Variants in PID1 observed in about 807,000 individuals in gnomAD.
PID1 encodes the protein phosphotyrosine interaction domain containing 1, also known as PTB-containing, cubilin and LRP1-interacting protein.
Under a neutral mutation model 19.1 loss-of-function variants are expected in PID1, and 10 were observed. The ratio of observed to expected loss-of-function variants is 0.52; its 90% CI spans 0.32 to 0.89. PID1 has a LOEUF of 0.89. Ranked by LOEUF, PID1 falls within the 40% of genes least tolerant of loss-of-function variation. The pLI, the probability that PID1 is intolerant of heterozygous loss-of-function variation, is 0.03. For missense variants in PID1, 248 were observed against 285.3 expected, an observed-to-expected ratio of 0.87 and a Z score of 0.94; for synonymous variants, 130 against 116.0, an observed-to-expected ratio of 1.12 and a Z score of -0.78.
intron 1 of PID1, among the ~76,000 whole-genome samples, chr2:229,261,173 T>C (rs1298891043): frequency 2.6e-5 from 4 of 151,996 alleles, no homozygotes; most frequent in Non-Finnish European, 2.9e-5. Flanking sequence ...AGGAGCTGTG[T>C]CTCCCTCACA....
At chr2:229,042,297 C>A (rs575474102) in intron 2 of PID1, among the ~76,000 whole-genome samples, 17 of 152,192 alleles carry the variant, frequency 1.1e-4, no homozygotes, top group African/African-American at 2.9e-4. Flanking sequence ...TTTTCAACTT[C>A]TTTTGTTAAA....
At chr2:229,039,106 C>T (rs1559204904) in intron 2 of PID1, among the ~76,000 whole-genome samples, 1 of 152,148 alleles carries the variant, frequency 6.6e-6, no homozygotes, top group Non-Finnish European at 1.5e-5. Flanking sequence ...CCATATATAA[C>T]GCAGCGAGAA....
intron 2 of PID1, among the ~76,000 whole-genome samples, chr2:229,052,721 A>T (rs1694021202): frequency 6.6e-6 from 1 of 152,152 alleles, no homozygotes; most frequent in African/African-American, 2.4e-5. Context: ...AAGGAAAAAA[A>T]AAATGGCCTG....
At chr2:229,109,381 G>A (rs1291027894) in intron 2 of PID1, among the ~76,000 whole-genome samples, 1 of 152,152 alleles carries the variant, frequency 6.6e-6, no homozygotes, top group Non-Finnish European at 1.5e-5. Flanking sequence ...GGCAATTAGG[G>A]GAGCAGAAAA....
At chr2:229,221,703 A>C (rs1166902193) in intron 1 of PID1, among the ~76,000 whole-genome samples, 2 of 152,080 alleles carry the variant, frequency 1.3e-5, no homozygotes, top group East Asian at 3.9e-4. Flanking sequence ...CCTCTCTCCC[A>C]AGGAAAAGAC....
rs116368824 is a variant in PID1 at position 229,031,927 on chromosome 2, A to G, written c.178-5819T>C. ...CATAATGTTGACTGTAAGTCACTGA[A>G]AAACACTATTCAGACCTTTTTTCAA... On this transcript the variant is annotated intron_variant, in intron 2 of 2. Transcript: ENST00000392055. Among the ~76,000 whole-genome samples the G allele has an allele frequency of 8.0e-3, 1,226 of 152,316 alleles. 16 individuals carry two copies. The highest frequency in any genetic ancestry group is 0.013 in the Non-Finnish European group (898 of 68,024).
rs1330314014 is a variant in PID1, at chr2:229,271,008, C to T, written c.30+6G>A. ...GGCTGGCCCCCGGCTCCCGGGTGCCCCTTACCTGCAGGCGCTCCGTGGCCG... is the reference window on the plus strand; with the variant it reads ...GGCTGGCCCCCGGCTCCCGGGTGCCTCTTACCTGCAGGCGCTCCGTGGCCG... On this transcript the variant is annotated splice_donor_region_variant and intron_variant, in intron 1 of 2. Coordinates refer to ENST00000392055, the MANE Select transcript of PID1 (RefSeq NM_001100818.2). 1 of 1,542,686 alleles carries T rather than the reference C, an allele frequency of 6.5e-7. No homozygotes were observed. The highest frequency in any genetic ancestry group is 8.7e-7 in the Non-Finnish European group (1 of 1,143,524).
At chr2:229,143,113 G>GCATT (rs1559253963) in intron 2 of PID1, among the ~76,000 whole-genome samples, 1 of 147,278 alleles carries the variant, frequency 6.8e-6, no homozygotes, top group Non-Finnish European at 1.5e-5. Flanking sequence ...ACCAAACACC[G>GCATT]CATATTCTCA....
chr2:229,036,233 G>A (rs749005880), intron 2 of PID1, among the ~76,000 whole-genome samples: 41 of 152,178 alleles, frequency 2.7e-4, no homozygotes, highest in Non-Finnish European at 4.9e-4. Context: ...CAACCCAAGA[G>A]GCTTGGTCTC....
intron 1 of PID1, among the ~76,000 whole-genome samples, chr2:229,192,276 T>C (rs1188467577): frequency 1.3e-5 from 2 of 152,168 alleles, no homozygotes; most frequent in Non-Finnish European, 1.5e-5. Context: ...CTGTTGTCAC[T>C]AGTATGTTCC....
intron 1 of PID1, among the ~76,000 whole-genome samples, chr2:229,173,328 C>G (rs1253642969): frequency 1.3e-5 from 2 of 152,148 alleles, no homozygotes; most frequent in African/African-American, 2.4e-5. Flanking sequence ...TCGGGCTACT[C>G]CCAGGCACAA....
intron 1 of PID1, among the ~76,000 whole-genome samples, chr2:229,177,793 G>A (rs1021786811): frequency 8.6e-5 from 13 of 151,990 alleles, no homozygotes; most frequent in African/African-American, 2.7e-4. Flanking sequence ...ATTGAGCTGC[G>A]CCTCCAGAGC....
chr2:229,126,166 C>T (rs149337050), intron 2 of PID1, among the ~76,000 whole-genome samples: 1 of 151,986 alleles, frequency 6.6e-6, no homozygotes, highest in Non-Finnish European at 1.5e-5. Flanking sequence ...TTTAAAAACA[C>T]AAAAACAAAA....
chr2:229,270,428 C>T (rs1371362142), intron 1 of PID1, among the ~76,000 whole-genome samples: 2 of 152,058 alleles, frequency 1.3e-5, no homozygotes, highest in Admixed American at 6.5e-5. Context: ...GATGGGATAA[C>T]CCAGGACATA....
intron 2 of PID1, among the ~76,000 whole-genome samples, chr2:229,030,212 T>A (rs1693517535): frequency 6.6e-6 from 1 of 152,158 alleles, no homozygotes; most frequent in South Asian, 2.1e-4. Flanking sequence ...GTAGTTAACA[T>A]CATAGAAACA....
chr2:229,110,660 A>C (rs972561923), intron 2 of PID1, among the ~76,000 whole-genome samples: 2 of 152,218 alleles, frequency 1.3e-5, no homozygotes, highest in African/African-American at 4.8e-5. Flanking sequence ...GAAAATGGTT[A>C]GATAATATAG....
chr2:229,186,115 T>C (rs1256424105), intron 1 of PID1, among the ~76,000 whole-genome samples: 2 of 152,176 alleles, frequency 1.3e-5, no homozygotes, highest in East Asian at 3.8e-4. Context: ...TAGTCAAATC[T>C]TAAAGCTCCA....
chr2:229,269,281 C>T lies in PID1; in HGVS notation c.30+1733G>A, dbSNP rs186021852. ...CACCAACTGCAATAAACCAGGCTCA[C>T]GCCAAAATGCACACGTGCACATTTC... On this transcript the variant is annotated intron_variant, in intron 1 of 2. Transcript: ENST00000392055. Among the ~76,000 whole-genome samples, 12 of 152,336 alleles carry T rather than the reference C, an allele frequency of 7.9e-5. No individual in the cohort carries two copies. In the South Asian group the frequency reaches 8.3e-4, roughly 11 times the overall value.
chr2:229,158,498 G>A (rs1371451959), intron 1 of PID1, among the ~76,000 whole-genome samples: 1 of 151,948 alleles, frequency 6.6e-6, no homozygotes, highest in Non-Finnish European at 1.5e-5. Flanking sequence ...TTTATTCAAG[G>A]ACATATCACA....
Sources: gnomAD v4.1 joint callset for allele counts (sites outside exome capture counted in the v4.1 genomes callset) on GRCh38, gnomAD v4.1.1 for gene constraint, MANE v1.5 for transcripts, NCBI Gene and HGNC (gene_info 2026-07-23, HGNC 2026-07-21) for gene names.